The following NRG1 variants were observed in gnomAD, a reference collection of about 807,000 sequenced individuals.
The protein encoded by NRG1 is neuregulin 1, also known as pro-neuregulin-1, membrane-bound isoform.
A neutral mutation model predicts 63.8 loss-of-function variants in NRG1; 18 were observed. The observed-to-expected ratio is 0.28, with a 90% CI of 0.19 to 0.42. NRG1 has a LOEUF of 0.42. Among genes scored for constraint, NRG1 ranks in the 10% least tolerant of loss-of-function variants. NRG1 has a pLI of 1.00. For synonymous variants in NRG1, 302 were observed against 301.3 expected (o/e 1.00, Z -0.02); for missense variants, 762 against 814.7 (o/e 0.94, Z 0.79).
rs879153474 is a variant in NRG1, at chr8:32,749,674, CCTAA to C, written c.692-4693_692-4690del. On this transcript the variant is annotated intron_variant, in intron 7 of 11. Coordinates refer to ENST00000356819, the Ensembl canonical transcript of NRG1. ...CCCTTCCTACTCTTACCTTTCAGTT[CCTAA>C]CTAATTTCCTTTTTCTTTAGAAGGG... 6.3e-5 allele frequency: 79 copies of C among 1,254,558 alleles called. 1 individual carries two copies. The highest frequency in any genetic ancestry group is 3.9e-4 in the Middle Eastern group (2 of 5,164). The allele number at this position is 1,254,558 out of a possible 1,614,324, so 77.7% of individuals were successfully genotyped here.
intron 1 of NRG1, among the ~76,000 whole-genome samples, chr8:32,559,245 T>TAAAATAAAAAAAAAAAA (rs1835845935): frequency 1.0e-5 from 1 of 96,790 alleles, no homozygotes; most frequent in African/African-American, 3.6e-5. Flanking sequence ...CTCTAAAATG[T>TAAAATAAAAAAAAAAAA]AAAAAAAAAA....
At chr8:31,770,627 G>A (rs192069420) in intron 1 of NRG1, among the ~76,000 whole-genome samples, 19 of 145,934 alleles carry the variant, frequency 1.3e-4, no homozygotes, top group African/African-American at 4.7e-4. Context: ...TGGGGTGGGG[G>A]TAGGGGGGAG....
chr8:32,707,726 G>C (rs1184199263), intron 5 of NRG1, among the ~76,000 whole-genome samples: 5 of 20,812 alleles, frequency 2.4e-4, no homozygotes, highest in African/African-American at 4.9e-4. Context: ...GGCATTTTGA[G>C]ATTTTTTTTT....
chr8:32,356,498 C>A (rs1806453550), intron 1 of NRG1, among the ~76,000 whole-genome samples: 1 of 150,054 alleles, frequency 6.7e-6, no homozygotes, highest in Non-Finnish European at 1.5e-5. Flanking sequence ...CGCCGGGCCC[C>A]ACCCCGTTGA....
At chr8:32,620,147 A>G (rs947533570) in intron 5 of NRG1, among the ~76,000 whole-genome samples, 5 of 152,204 alleles carry the variant, frequency 3.3e-5, no homozygotes, top group African/African-American at 1.2e-4. Context: ...AAGGCCTCAG[A>G]AAAGTTTGCC....
intron 1 of NRG1, among the ~76,000 whole-genome samples, chr8:32,006,031 G>A (rs1813715450): frequency 6.6e-6 from 1 of 151,816 alleles, no homozygotes; most frequent in African/African-American, 2.4e-5. Flanking sequence ...TCATACTCTG[G>A]AAACATGGAC....
At chr8:32,414,238 G>C (rs1815536406) in intron 1 of NRG1, among the ~76,000 whole-genome samples, 1 of 152,044 alleles carries the variant, frequency 6.6e-6, no homozygotes, top group African/African-American at 2.4e-5. Flanking sequence ...CTGGCTCTTT[G>C]GCCTTCACCT....
chr8:32,364,779 C>T (rs549652775), intron 1 of NRG1, among the ~76,000 whole-genome samples: 1 of 152,118 alleles, frequency 6.6e-6, no homozygotes, highest in South Asian at 2.1e-4. Context: ...CCAATTTTTA[C>T]TCCAACTACT....
At chr8:31,657,143 A>G (rs891186381) in intron 1 of NRG1, among the ~76,000 whole-genome samples, 3 of 152,220 alleles carry the variant, frequency 2.0e-5, no homozygotes, top group South Asian at 4.1e-4. Context: ...CCATGGGAAG[A>G]ATGATTTTGA....
chr8:31,892,540 T>C (rs914145503), intron 1 of NRG1, among the ~76,000 whole-genome samples: 1 of 152,154 alleles, frequency 6.6e-6, no homozygotes, highest in Admixed American at 6.5e-5. Flanking sequence ...AGTGCTCTGG[T>C]AAAATTACTT....
chr8:32,253,633 G>T (rs1849364744), intron 1 of NRG1, among the ~76,000 whole-genome samples: 1 of 152,148 alleles, frequency 6.6e-6, no homozygotes, highest in Admixed American at 6.5e-5. Context: ...GTTCATCAGG[G>T]TTATTAGCCT....
intron 1 of NRG1, among the ~76,000 whole-genome samples, chr8:32,350,592 G>A (rs889708148): frequency 3.3e-5 from 5 of 152,084 alleles, no homozygotes; most frequent in South Asian, 2.1e-4. Flanking sequence ...GGAGGTCCTC[G>A]TTAAGAGATC....
chr8:32,455,285 T>C (rs918069552), intron 1 of NRG1, among the ~76,000 whole-genome samples: 7 of 152,198 alleles, frequency 4.6e-5, no homozygotes, highest in Admixed American at 3.9e-4. Context: ...CCATACGTGA[T>C]CCTACCAGCA....
At chr8:32,255,420 G>C (rs557830677) in intron 1 of NRG1, among the ~76,000 whole-genome samples, 1 of 152,264 alleles carries the variant, frequency 6.6e-6, no homozygotes, top group African/African-American at 2.4e-5. Flanking sequence ...TTGTTTGTCT[G>C]TAAAGGATTC....
At chr8:32,593,769 A>G (rs1293557688) in intron 1 of NRG1, among the ~76,000 whole-genome samples, 1 of 152,052 alleles carries the variant, frequency 6.6e-6, no homozygotes, top group Non-Finnish European at 1.5e-5. Flanking sequence ...GTCTGTTTTA[A>G]AAAACCTGCA....
At chr8:32,441,830 T>C (rs1204254773) in intron 1 of NRG1, among the ~76,000 whole-genome samples, 1 of 152,022 alleles carries the variant, frequency 6.6e-6, no homozygotes, top group Non-Finnish European at 1.5e-5. Flanking sequence ...TTAGTGACCT[T>C]GAGTTCTAGA....
intron 6 of NRG1, among the ~76,000 whole-genome samples, chr8:32,738,259 G>A (rs1825575460): frequency 6.6e-6 from 1 of 152,072 alleles, no homozygotes; most frequent in South Asian, 2.1e-4. Context: ...TGGGGAGGTG[G>A]AGGACAGGGA....
At chr8:32,286,737 G>T (rs780237500) in intron 1 of NRG1, among the ~76,000 whole-genome samples, 1 of 152,118 alleles carries the variant, frequency 6.6e-6, no homozygotes, top group Admixed American at 6.5e-5. Flanking sequence ...GGTGGCTCAC[G>T]CCTGTAATCC....
intron 6 of NRG1, chr8:32,728,719 A>T: frequency 1.1e-6 from 1 of 899,308 alleles, no homozygotes; most frequent in Non-Finnish European, 1.3e-6. Context: ...AGATATATCT[A>T]GAATAGCACT....
Sources: allele counts gnomAD v4.1 joint callset (sites outside exome capture counted in the v4.1 genomes callset), GRCh38; gene constraint gnomAD v4.1.1; transcripts MANE v1.5; gene names NCBI Gene and HGNC (gene_info 2026-07-23, HGNC 2026-07-21).